The following DLC1 variants were observed in gnomAD, a reference collection of about 807,000 sequenced individuals.
The protein encoded by DLC1 is rho GTPase-activating protein 7.
In DLC1, 54 loss-of-function variants were observed where a neutral mutation model predicts 140.3. The observed-to-expected ratio is 0.38, with a 90% CI of 0.31 to 0.48. DLC1 has a LOEUF of 0.48. Among genes scored for constraint, DLC1 ranks in the 20% least tolerant of loss-of-function variants. The pLI is 0.96. For missense variants in DLC1, 2,536 were observed against 1,907.0 expected, an observed-to-expected ratio of 1.33 and a Z score of -6.14; for synonymous variants, 986 against 728.1, an observed-to-expected ratio of 1.35 and a Z score of -5.70.
chr8:13,318,422 A>G (rs1034709215), intron 4 of DLC1, among the ~76,000 whole-genome samples: 2 of 152,170 alleles, frequency 1.3e-5, no homozygotes, highest in Non-Finnish European at 2.9e-5. Context: ...AGACAAGGTC[A>G]TTTAATTGAC....
At chr8:13,346,391 A>G (rs1049155686) in intron 4 of DLC1, among the ~76,000 whole-genome samples, 2 of 152,238 alleles carry the variant, frequency 1.3e-5, no homozygotes, top group East Asian at 3.8e-4. Context: ...AACGAAACGT[A>G]GGCTAGTCTG....
chr8:13,520,300 A>G (rs962612379), intron 1 of DLC1, among the ~76,000 whole-genome samples: 9 of 152,232 alleles, frequency 5.9e-5, no homozygotes, highest in African/African-American at 2.2e-4. Context: ...GCCATAAAAG[A>G]GGAAGAGTTC....
intron 4 of DLC1, among the ~76,000 whole-genome samples, chr8:13,326,333 T>C (rs1302242664): frequency 2.9e-4 from 44 of 152,232 alleles, no homozygotes; most frequent in Non-Finnish European, 1.5e-5. Flanking sequence ...CATAGACCTA[T>C]ATACCTCAGC....
intron 3 of DLC1, among the ~76,000 whole-genome samples, chr8:13,397,024 C>A (rs1837075002): frequency 6.6e-6 from 1 of 151,696 alleles, no homozygotes; most frequent in Non-Finnish European, 1.5e-5. Flanking sequence ...TTACCCTATG[C>A]CTCCAGTTAT....
At chr8:13,208,841 G>A (rs1273912162) in intron 5 of DLC1, among the ~76,000 whole-genome samples, 1 of 151,968 alleles carries the variant, frequency 6.6e-6, no homozygotes, top group Non-Finnish European at 1.5e-5. Flanking sequence ...AAGAGCTGAT[G>A]ATGTGGGAAA....
intron 5 of DLC1, among the ~76,000 whole-genome samples, chr8:13,129,834 T>C (rs1821927755): frequency 6.6e-6 from 1 of 152,234 alleles, no homozygotes. Context: ...TCTGAAGTTA[T>C]TTTTACTTTT....
intron 4 of DLC1, among the ~76,000 whole-genome samples, chr8:13,371,356 C>T (rs1835718306): frequency 6.6e-6 from 1 of 152,110 alleles, no homozygotes; most frequent in Admixed American, 6.6e-5. Flanking sequence ...TTCCAAAATG[C>T]ACATATGTTT....
chr8:13,234,513 A>G (rs1829193366), intron 5 of DLC1, among the ~76,000 whole-genome samples: 1 of 152,098 alleles, frequency 6.6e-6, no homozygotes, highest in South Asian at 2.1e-4. Context: ...AAGACAATGC[A>G]CTTAGCCTAT....
At chr8:13,498,939 G>T in intron 2 of DLC1, 110 bp downstream of exon 2, 1 of 1,311,232 alleles carries the variant, frequency 7.6e-7, no homozygotes, top group South Asian at 1.6e-5. Flanking sequence ...CTGCATAACA[G>T]GGCAAAAGAA....
At chr8:13,456,202 G>T (rs989889317) in intron 2 of DLC1, among the ~76,000 whole-genome samples, 5 of 152,174 alleles carry the variant, frequency 3.3e-5, no homozygotes, top group Non-Finnish European at 4.4e-5. Context: ...TTTGGCCTTT[G>T]CATCTATAGA....
At chr8:13,359,101 G>A (rs1236928316) in intron 4 of DLC1, among the ~76,000 whole-genome samples, 1 of 152,078 alleles carries the variant, frequency 6.6e-6, no homozygotes, top group African/African-American at 2.4e-5. Context: ...ACCACGCCCG[G>A]CTAATTTTTT....
At chr8:13,101,674 G>T (rs912546621) in intron 8 of DLC1, among the ~76,000 whole-genome samples, 2 of 152,096 alleles carry the variant, frequency 1.3e-5, no homozygotes, top group Non-Finnish European at 2.9e-5. Context: ...AAGACATGAA[G>T]GCTAGCGCTC....
intron 1 of DLC1, among the ~76,000 whole-genome samples, chr8:13,596,796 C>A (rs893832784): frequency 6.6e-6 from 1 of 151,968 alleles, no homozygotes; most frequent in African/African-American, 2.4e-5. Flanking sequence ...GAAGTTGGAG[C>A]TCAAGAAATT....
chr8:13,476,991 C>A (rs1015525345), intron 2 of DLC1, among the ~76,000 whole-genome samples: 3 of 152,138 alleles, frequency 2.0e-5, no homozygotes, highest in Admixed American at 1.3e-4. Context: ...CCTACATCAA[C>A]CTTACTGAAA....
intron 5 of DLC1, among the ~76,000 whole-genome samples, chr8:13,201,939 T>C (rs1185040636): frequency 1.7e-5 from 2 of 121,178 alleles, no homozygotes; most frequent in Non-Finnish European, 3.4e-5. Context: ...TTTTTTTTTT[T>C]TTTTGGTTGG....
At chr8:13,527,078 A>C (rs893289234) in intron 1 of DLC1, among the ~76,000 whole-genome samples, 1 of 152,172 alleles carries the variant, frequency 6.6e-6, no homozygotes, top group Non-Finnish European at 1.5e-5. Flanking sequence ...AGGTGATCAT[A>C]TTGTACGTGA....
chr8:13,102,292 G>T (rs1336424177), intron 8 of DLC1, among the ~76,000 whole-genome samples: 1 of 152,170 alleles, frequency 6.6e-6, no homozygotes, highest in Non-Finnish European at 1.5e-5. Flanking sequence ...ACTAAACTGT[G>T]TGGGATCTCC....
intron 2 of DLC1, among the ~76,000 whole-genome samples, chr8:13,456,967 T>C: frequency 6.6e-6 from 1 of 152,210 alleles, no homozygotes; most frequent in East Asian, 1.9e-4. Context: ...TTTGTAGTTG[T>C]CATCACTGGA....
At chr8:13,519,933 A>G (rs554879142) in intron 1 of DLC1, among the ~76,000 whole-genome samples, 2 of 152,268 alleles carry the variant, frequency 1.3e-5, no homozygotes, top group African/African-American at 2.4e-5. Flanking sequence ...ATACCATTTC[A>G]TGCCAGTTAG....
Sources: allele counts gnomAD v4.1 joint callset (sites outside exome capture counted in the v4.1 genomes callset), GRCh38; gene constraint gnomAD v4.1.1; transcripts MANE v1.5; gene names NCBI Gene and HGNC (gene_info 2026-07-23, HGNC 2026-07-21).